Variants in SNAP91 observed in about 807,000 individuals in gnomAD.
SNAP91 encodes the protein synaptosome associated protein 91.
A neutral mutation model predicts 100.3 loss-of-function variants in SNAP91; 27 were observed. That is an observed-to-expected ratio of 0.27 (90% CI 0.20 to 0.37). SNAP91 has a LOEUF of 0.37. Among genes scored for constraint, SNAP91 ranks in the 10% least tolerant of loss-of-function variants. The pLI is 1.00. For missense variants in SNAP91, 986 were observed against 1,123.7 expected, an observed-to-expected ratio of 0.88 and a Z score of 1.75; for synonymous variants, 404 against 398.6, an observed-to-expected ratio of 1.01 and a Z score of -0.16.
chr6:83,660,510 AG>A (rs2098519574), intron 5 of SNAP91, among the ~76,000 whole-genome samples: 1 of 151,858 alleles, frequency 6.6e-6, no homozygotes, highest in Admixed American at 6.5e-5. Context: ...AATGAGGAAC[AG>A]ATATAAGATA....
At chr6:83,697,117 G>A (rs1442255914) in intron 2 of SNAP91, among the ~76,000 whole-genome samples, 1 of 152,010 alleles carries the variant, frequency 6.6e-6, no homozygotes, top group African/African-American at 2.4e-5. Context: ...AGTTGTTAAT[G>A]GAAATTTTAT....
chr6:83,697,504 A>G (rs2099234638), intron 2 of SNAP91, among the ~76,000 whole-genome samples: 1 of 151,972 alleles, frequency 6.6e-6, no homozygotes, highest in South Asian at 2.1e-4. Flanking sequence ...AAAATCTAAC[A>G]TTTTTTTCAA....
chr6:83,565,274 C>T (rs1794993765), intron 26 of SNAP91, among the ~76,000 whole-genome samples: 1 of 152,078 alleles, frequency 6.6e-6, no homozygotes, highest in South Asian at 2.1e-4. Context: ...AAAAGTTCAT[C>T]ACCAGAGATA....
intron 26 of SNAP91, among the ~76,000 whole-genome samples, chr6:83,564,392 C>G (rs1166340652): frequency 6.7e-6 from 1 of 149,880 alleles, no homozygotes; most frequent in Non-Finnish European, 1.5e-5. Flanking sequence ...GGCTGGAGTG[C>G]AGTGGCATGA....
intron 7 of SNAP91, among the ~76,000 whole-genome samples, chr6:83,653,547 T>C (rs1194556687): frequency 6.6e-6 from 1 of 152,036 alleles, no homozygotes; most frequent in African/African-American, 2.4e-5. Flanking sequence ...TTGGAGCCCT[T>C]AGCCTATTAA....
chr6:83,638,068 T>G (rs1165256174), intron 8 of SNAP91, among the ~76,000 whole-genome samples: 1 of 152,146 alleles, frequency 6.6e-6, no homozygotes, highest in African/African-American at 2.4e-5. Context: ...GCATTCATCC[T>G]GGTCCTGCAG....
chr6:83,574,392 T>C (rs780016329), intron 26 of SNAP91, among the ~76,000 whole-genome samples: 1 of 152,180 alleles, frequency 6.6e-6, no homozygotes, highest in Non-Finnish European at 1.5e-5. Context: ...AATATATTAA[T>C]AGAAATTTAA....
intron 16 of SNAP91, among the ~76,000 whole-genome samples, chr6:83,598,999 A>C (rs562883597): frequency 6.6e-6 from 1 of 152,320 alleles, no homozygotes; most frequent in African/African-American, 2.4e-5. Context: ...TCTCAGCCAG[A>C]TGACTGGAAA....
intron 20 of SNAP91, 132 bp from the exon 21 acceptor site, chr6:83,592,670 A>G (rs1201286461): frequency 1.3e-5 from 10 of 750,018 alleles, no homozygotes; most frequent in Non-Finnish European, 2.2e-5. Context: ...CTTAACAGTT[A>G]AGGAAAAGCA....
intron 21 of SNAP91, among the ~76,000 whole-genome samples, chr6:83,591,966 A>G (rs1192714852): frequency 6.6e-6 from 1 of 152,238 alleles, no homozygotes; most frequent in Non-Finnish European, 1.5e-5. Context: ...CAATCCTTCT[A>G]ACTCTTTGTA....
chr6:83,646,902 C>T (rs1003923723), intron 7 of SNAP91, among the ~76,000 whole-genome samples: 5 of 152,204 alleles, frequency 3.3e-5, no homozygotes, highest in African/African-American at 1.2e-4. Flanking sequence ...ATCTTAGAGA[C>T]ATTTTGTTAA....
chr6:83,679,696 C>T (rs112973155), intron 2 of SNAP91, among the ~76,000 whole-genome samples: 2,135 of 152,202 alleles, frequency 0.014, 58 homozygotes, highest in African/African-American at 0.048. Context: ...TCTGACACCC[C>T]CAAATAGAAC....
At position 83,578,886 on chromosome 6, in the gene SNAP91, C is replaced by T. The variant is rs558998127; in HGVS notation, c.2299+1564G>A. 1.6e-4 allele frequency among the ~76,000 whole-genome samples: 25 copies of T among 151,994 alleles called. 1 individual carries two copies. The East Asian group carries it at 3.3e-3, about 20-fold the overall frequency. ...GATTTAGCTCTTACATTTGGTTGTA[C>T]GACTTACTTTGAATTAATTTTTTTT... On this transcript the variant is annotated intron_variant, in intron 24 of 29. Coordinates refer to ENST00000369694, the MANE Select transcript of SNAP91 (RefSeq NM_001242792.2).
chr6:83,610,353 C>T lies in SNAP91; in HGVS notation c.912+297G>A, dbSNP rs1362053043. Reference sequence around the variant, plus strand: ...TATGCTAAGTGAAATAAACCAGTCACTAAAAGACAGATTCTATATGCGCTC... The same window carrying T: ...TATGCTAAGTGAAATAAACCAGTCATTAAAAGACAGATTCTATATGCGCTC... On this transcript the variant is annotated intron_variant, in intron 12 of 29. Coordinates refer to ENST00000369694, the MANE Select transcript of SNAP91 (RefSeq NM_001242792.2). 2.0e-5 allele frequency among the ~76,000 whole-genome samples: 3 copies of T among 151,644 alleles called. No individual in the cohort carries two copies. The East Asian group carries it at 5.8e-4, about 29-fold the overall frequency.
chr6:83,692,979 T>C (rs1351593559), intron 2 of SNAP91, among the ~76,000 whole-genome samples: 1 of 152,200 alleles, frequency 6.6e-6, no homozygotes, highest in Admixed American at 6.5e-5. Context: ...CTCACTATGT[T>C]GCCCATGCTG....
intron 8 of SNAP91, among the ~76,000 whole-genome samples, chr6:83,625,894 T>C (rs959089218): frequency 1.3e-5 from 2 of 152,264 alleles, no homozygotes; most frequent in South Asian, 4.1e-4. Context: ...TTGTCAATTT[T>C]AATTTTTGTT....
chr6:83,577,818 G>T (rs1021511243), intron 24 of SNAP91, among the ~76,000 whole-genome samples: 2 of 152,044 alleles, frequency 1.3e-5, no homozygotes, highest in Non-Finnish European at 2.9e-5. Flanking sequence ...TGCTAACATA[G>T]AACTTTTTTG....
intron 8 of SNAP91, among the ~76,000 whole-genome samples, chr6:83,626,685 T>C (rs1426430564): frequency 2.0e-5 from 3 of 151,950 alleles, no homozygotes; most frequent in Non-Finnish European, 2.9e-5. Context: ...AGAGATGCTA[T>C]TGATTTTGAT....
intron 9 of SNAP91, among the ~76,000 whole-genome samples, chr6:83,618,063 T>C (rs2096571321): frequency 6.6e-6 from 1 of 151,922 alleles, no homozygotes; most frequent in South Asian, 2.1e-4. Flanking sequence ...CTGTATCTTT[T>C]ACACTGTACC....
Sources: gnomAD v4.1 joint callset for allele counts (sites outside exome capture counted in the v4.1 genomes callset) on GRCh38, gnomAD v4.1.1 for gene constraint, MANE v1.5 for transcripts, NCBI Gene and HGNC (gene_info 2026-07-23, HGNC 2026-07-21) for gene names.